N4BP1: variants seen among roughly 807,000 people sequenced by gnomAD.
The protein encoded by N4BP1 is NEDD4-binding protein 1.
N4BP1 carries 21 observed loss-of-function variants against 70.9 expected under a neutral mutation model. The ratio of observed to expected loss-of-function variants is 0.30; its 90% CI spans 0.21 to 0.43. N4BP1 has a LOEUF of 0.43. N4BP1 is among the 20% of genes least tolerant of loss of function. The pLI is 1.00. For synonymous variants in N4BP1, 387 were observed against 394.6 expected (o/e 0.98, Z 0.23); for missense variants, 936 against 1,069.4 (o/e 0.88, Z 1.74).
At chr16:48,554,194 AG>A (rs1172417019) in intron 2 of N4BP1, among the ~76,000 whole-genome samples, 1 of 151,868 alleles carries the variant, frequency 6.6e-6, no homozygotes, top group East Asian at 1.9e-4. Flanking sequence ...AAAAATTAAA[AG>A]AACAGCAACA....
rs768375626 is a variant in N4BP1, at chr16:48,560,830, T to G, written c.1813A>C (p.Lys605Gln). ...CCTGGTTCATTTTTTAATTCCAGCT[T>G]GTAGGGTATTTTTAGAGTATCTCGA... The part of the protein sequence containing the change: ...RFRDTLKIPY[K>Q]LELKNEPGRT... The change falls in exon 2 of 7, where the codon AAG becomes CAG. Residue 605 changes from lysine (K) to glutamine (Q), a missense_variant. Around this residue, in one of 4 missense-constraint regions of N4BP1, gnomAD observed 515 missense variants for 491.7 expected, o/e 1.05. Transcript: ENST00000262384. The G allele has an allele frequency of 6.2e-7, 1 of 1,613,878 alleles. No individual in the cohort carries two copies. Among genetic ancestry groups the G allele is most frequent in the Non-Finnish European group, 8.5e-7 (1 of 1,179,846 alleles).
chr16:48,546,041 AT>A (rs1268455008), intron 6 of N4BP1, 105 bp downstream of exon 6: 34 of 686,344 alleles, frequency 5.0e-5, no homozygotes, highest in Admixed American at 2.0e-4. Flanking sequence ...AAAAAAAAAA[AT>A]AATTTTTTTA....
intron 4 of N4BP1, 45 bp downstream of exon 4, chr16:48,551,341 T>G (rs1258671089): frequency 1.3e-6 from 2 of 1,529,640 alleles, no homozygotes; most frequent in South Asian, 2.3e-5. Flanking sequence ...GGCTGGCTCC[T>G]CACCACCCCA....
chr16:48,589,301 T>G (rs1964296298), intron 1 of N4BP1, among the ~76,000 whole-genome samples: 1 of 152,122 alleles, frequency 6.6e-6, no homozygotes, highest in Non-Finnish European at 1.5e-5. Flanking sequence ...GAGACCAAAG[T>G]AGGATGACAG....
intron 4 of N4BP1, 22 bp from the exon 5 acceptor site, chr16:48,548,136 T>A (rs746240776): frequency 1.4e-6 from 2 of 1,413,270 alleles, no homozygotes; most frequent in Middle Eastern, 1.8e-4. Flanking sequence ...TAAGAGAGTT[T>A]AAAATCAGCA....
At position 48,610,077 on chromosome 16, in the gene N4BP1, G is replaced by T. The variant is rs1964661850; in HGVS notation, c.-105C>A. The T allele has an allele frequency of 3.3e-6, 2 of 604,624 alleles. No homozygotes were observed. The highest frequency in any genetic ancestry group is 4.2e-6 in the Non-Finnish European group (2 of 478,694). 37.5% of individuals were successfully genotyped at this position (604,624 alleles called of 1,614,324 possible). A position where few individuals can be genotyped will look rare whatever the true frequency, so the allele number is the denominator to read the frequency against. On this transcript the variant is annotated 5_prime_UTR_variant, in exon 1 of 7. Coordinates refer to ENST00000262384, the MANE Select transcript of N4BP1 (RefSeq NM_153029.4). ...CAGTCAGGCGGCGTCGGCCCTTCCC[G>T]GCCGCCTCGCCCCCGCCCGCGCCCC...
At chr16:48,586,141 A>T (rs1964243077) in intron 1 of N4BP1, among the ~76,000 whole-genome samples, 1 of 152,192 alleles carries the variant, frequency 6.6e-6, no homozygotes. Context: ...TCCAAGTAAG[A>T]CAGACACAGA....
Position 48,546,013 on chromosome 16 carries a change from G to C in N4BP1, c.2333+134C>G, listed in dbSNP as rs367978676. On this transcript the variant is annotated intron_variant, in intron 6 of 6. Transcript: ENST00000262384. ...ACTGCATTCCAGCCTCGGTGACAGA[G>C]GAAGACCTTGTCTCAAAAAAAAAAA... 10 of 541,482 alleles carry C rather than the reference G, an allele frequency of 1.8e-5. No homozygotes were observed. The African/African-American group carries it at 2.0e-4, about 11-fold the overall frequency. 33.5% of individuals were successfully genotyped at this position (541,482 alleles called of 1,614,324 possible).
At chr16:48,554,438 T>C (rs1472858637) in intron 2 of N4BP1, among the ~76,000 whole-genome samples, 1 of 152,096 alleles carries the variant, frequency 6.6e-6, no homozygotes, top group East Asian at 1.9e-4. Context: ...CCTCCATCCA[T>C]AACACATTTC....
Position 48,561,834 on chromosome 16 carries a change from G to C in N4BP1, c.809C>G (p.Thr270Ser), listed in dbSNP as rs992290489. 9.3e-6 allele frequency: 15 copies of C among 1,613,772 alleles called. No individual in the cohort carries two copies. Among genetic ancestry groups the C allele is most frequent in the Non-Finnish European group, 1.2e-5 (14 of 1,179,874 alleles). The part of the protein sequence containing the change: ...DVLFDPINGL[T>S]PDEEALSNER... Reference sequence around the variant, plus strand: ...ATTGGAAAGTGCCTCTTCATCTGGGGTTAGACCATTTATTGGATCAAAAAG... The same window carrying C: ...ATTGGAAAGTGCCTCTTCATCTGGGCTTAGACCATTTATTGGATCAAAAAG... The change falls in exon 2 of 7, where the codon ACC (threonine) becomes AGC (serine). Residue 270 changes from threonine (T) to serine (S), a missense_variant. This residue lies in a region of N4BP1 where 515 missense variants were observed against 491.7 expected (regional missense o/e 1.05). Transcript: ENST00000262384.
At chr16:48,573,045 G>A (rs979466073) in intron 1 of N4BP1, among the ~76,000 whole-genome samples, 28 of 151,332 alleles carry the variant, frequency 1.9e-4, no homozygotes, top group African/African-American at 6.6e-4. Context: ...CCTGGGTACA[G>A]GCTGCAGTGA....
chr16:48,600,041 TA>T, intron 1 of N4BP1: 1 of 307,434 alleles, frequency 3.3e-6, no homozygotes, highest in Non-Finnish European at 6.1e-6. Flanking sequence ...TATAACAAAG[TA>T]ACAATTTCAT....
intron 6 of N4BP1, among the ~76,000 whole-genome samples, chr16:48,545,387 T>C (rs144516736): frequency 0.014 from 2,029 of 146,968 alleles, 41 homozygotes; most frequent in African/African-American, 0.049. Flanking sequence ...CTGGCTAACA[T>C]GGCAAAATCC....
chr16:48,596,040 C>T (rs1964408297), intron 1 of N4BP1, among the ~76,000 whole-genome samples: 1 of 152,150 alleles, frequency 6.6e-6, no homozygotes, highest in Non-Finnish European at 1.5e-5. Context: ...AATAATTATT[C>T]TTGCTGTGCT....
intron 1 of N4BP1, among the ~76,000 whole-genome samples, chr16:48,609,461 G>C (rs76636962): frequency 6.6e-6 from 1 of 152,180 alleles, no homozygotes; most frequent in Non-Finnish European, 1.5e-5. Context: ...GGCGACATGC[G>C]CAGCGCACCC....
At chr16:48,562,674 T>C (rs1228122699) in intron 1 of N4BP1, among the ~76,000 whole-genome samples, 3 of 152,194 alleles carry the variant, frequency 2.0e-5, no homozygotes, top group Non-Finnish European at 2.9e-5. Flanking sequence ...AAAAGGTGGG[T>C]ATTTTGTAAC....
chr16:48,561,950 AAC>A lies in N4BP1; in HGVS notation c.691_692del (p.Val231PhefsTer8). 1 of 1,613,982 alleles carries A rather than the reference AAC, an allele frequency of 6.2e-7. No homozygotes were observed. Among genetic ancestry groups the A allele is most frequent in the Non-Finnish European group, 8.5e-7 (1 of 1,179,892 alleles). On this transcript the variant is annotated frameshift_variant, in exon 2 of 7. Transcript: ENST00000262384. LOFTEE classifies it high-confidence loss of function. ...TGLNISRDET[V>X]LQEEARNKAG... ...CTTTATTTCTTGCCTCTTCCTGCAAAACAGTTTCATCTCTAGAAATATTCAGC... is the reference window on the plus strand; with the variant it reads ...CTTTATTTCTTGCCTCTTCCTGCAAAAGTTTCATCTCTAGAAATATTCAGC...
chr16:48,561,520 T>C lies in N4BP1; in HGVS notation c.1123A>G (p.Thr375Ala), dbSNP rs201253448. The C allele has an allele frequency of 1.9e-4, 314 of 1,613,570 alleles. No individual in the cohort carries two copies. Among genetic ancestry groups the C allele is most frequent in the Non-Finnish European group, 2.1e-4 (253 of 1,179,800 alleles). The change falls in exon 2 of 7, where the codon ACT becomes GCT. Residue 375 changes from threonine (T) to alanine (A), a missense_variant. This residue lies in a region of N4BP1 where 515 missense variants were observed against 491.7 expected (regional missense o/e 1.05). Coordinates refer to ENST00000262384, the MANE Select transcript of N4BP1 (RefSeq NM_153029.4). ...TCCTCTAAGAGCAATAATGGTTCAG[T>C]AGATGGTCCATACACCTTAATGACC... ...EKVIKVYGPS[T>A]EPLLLLEEIE...
chr16:48,561,621 G>C lies in N4BP1; in HGVS notation c.1022C>G (p.Thr341Ser), dbSNP rs1429978559. ...SENLSPDIKETTEEMEYNILV... is the reference protein window; with the variant it reads ...SENLSPDIKESTEEMEYNILV... ...GATGTTGTATTCCATTTCCTCAGTA[G>C]TTTCTTTTATATCTGGACTTAAATT... The change falls in exon 2 of 7, where the codon ACT (threonine) becomes AGT (serine). Residue 341 changes from threonine to serine, a missense_variant. Around this residue, in one of 4 missense-constraint regions of N4BP1, gnomAD observed 515 missense variants for 491.7 expected, o/e 1.05. Transcript: ENST00000262384. The C allele has an allele frequency of 1.9e-6, 3 of 1,613,240 alleles. No individual in the cohort carries two copies. Among genetic ancestry groups the C allele is most frequent in the East Asian group, 2.2e-5 (1 of 44,872 alleles).
Sources: gnomAD v4.1 joint callset for allele counts (sites outside exome capture counted in the v4.1 genomes callset) on GRCh38, gnomAD v4.1.1 for gene constraint, gnomAD v4.1.1 regional missense constraint, MANE v1.5 for transcripts, NCBI Gene and HGNC (gene_info 2026-07-23, HGNC 2026-07-21) for gene names.